The following CDC14A variants were observed in gnomAD, a reference collection of about 807,000 sequenced individuals.
CDC14A encodes the protein dual specificity protein phosphatase CDC14A.
CDC14A carries 53 observed loss-of-function variants against 74.4 expected under a neutral mutation model. The observed-to-expected ratio is 0.71, with a 90% CI of 0.57 to 0.89. The LOEUF (loss-of-function observed/expected upper bound fraction) is 0.89. Among genes scored for constraint, CDC14A ranks in the 40% least tolerant of loss-of-function variants. CDC14A has a pLI of 0.00. For synonymous variants in CDC14A, 247 were observed against 258.4 expected (o/e 0.96, Z 0.43); for missense variants, 646 against 713.7 (o/e 0.91, Z 1.08).
At chr1:100,467,151 A>G (rs1667917540) in intron 9 of CDC14A, among the ~76,000 whole-genome samples, 1 of 152,176 alleles carries the variant, frequency 6.6e-6, no homozygotes, top group Non-Finnish European at 1.5e-5. Flanking sequence ...TTCTGAAGTT[A>G]GAATGGATCT....
At chr1:100,445,313 C>A (rs1346682029) in intron 7 of CDC14A, among the ~76,000 whole-genome samples, 2 of 152,102 alleles carry the variant, frequency 1.3e-5, no homozygotes, top group African/African-American at 4.8e-5. Context: ...GAGCCTCACC[C>A]CCTCAACTTG....
chr1:100,472,797 G>T (rs1668518070), intron 10 of CDC14A, among the ~76,000 whole-genome samples: 2 of 151,728 alleles, frequency 1.3e-5, no homozygotes, highest in South Asian at 4.2e-4. Context: ...ATGCCCAGTT[G>T]CTTCAGTACC....
intron 11 of CDC14A, among the ~76,000 whole-genome samples, chr1:100,491,456 C>G (rs1670607020): frequency 7.0e-6 from 1 of 142,886 alleles, no homozygotes; most frequent in Admixed American, 7.2e-5. Context: ...AAACATATCT[C>G]CATATATATG....
chr1:100,363,430 T>G (rs969724812), intron 2 of CDC14A, among the ~76,000 whole-genome samples: 1 of 152,260 alleles, frequency 6.6e-6, no homozygotes, highest in Non-Finnish European at 1.5e-5. Context: ...TTAACTCGTA[T>G]ATCAAAAACA....
chr1:100,351,509 A>T (rs1392344792), upstream of CDC14A, among the ~76,000 whole-genome samples: 3 of 152,218 alleles, frequency 2.0e-5, no homozygotes, highest in Non-Finnish European at 4.4e-5. Context: ...GAGACAAGTC[A>T]ATGGCCTCTT....
chr1:100,466,763 G>A (rs1359743072), intron 9 of CDC14A, among the ~76,000 whole-genome samples: 2 of 151,724 alleles, frequency 1.3e-5, no homozygotes, highest in East Asian at 1.9e-4. Context: ...CCAGCTACTC[G>A]GGAGGCTAAG....
intron 11 of CDC14A, among the ~76,000 whole-genome samples, chr1:100,486,817 A>C (rs185051160): frequency 6.6e-6 from 1 of 152,214 alleles, no homozygotes; most frequent in Non-Finnish European, 1.5e-5. Context: ...TTTACACAGC[A>C]TCATGTATGG....
At chr1:100,349,258 C>G (rs1650706854), upstream of CDC14A, among the ~76,000 whole-genome samples, 1 of 151,514 alleles carries the variant, frequency 6.6e-6, no homozygotes, top group Non-Finnish European at 1.5e-5. Flanking sequence ...TGCTGAATTT[C>G]TGTGTGTAAT....
intron 3 of CDC14A, among the ~76,000 whole-genome samples, chr1:100,389,621 G>A (rs1657406670): frequency 6.6e-6 from 1 of 151,962 alleles, no homozygotes; most frequent in Non-Finnish European, 1.5e-5. Context: ...CTTCAGAGAT[G>A]GAAGAGTTTT....
chr1:100,404,075 A>AC (rs1240784832), intron 4 of CDC14A, among the ~76,000 whole-genome samples: 3 of 151,686 alleles, frequency 2.0e-5, no homozygotes, highest in African/African-American at 7.3e-5. Flanking sequence ...AATTCATTAA[A>AC]CCCCTCTTCA....
At chr1:100,470,960 CAA>C (rs2101276682) in intron 10 of CDC14A, among the ~76,000 whole-genome samples, 1 of 152,168 alleles carries the variant, frequency 6.6e-6, no homozygotes, top group African/African-American at 2.4e-5. Flanking sequence ...CATTTGTCTA[CAA>C]AGACTTGTAC....
At chr1:100,497,718 G>A (rs1449639826) in intron 13 of CDC14A, among the ~76,000 whole-genome samples, 4 of 152,208 alleles carry the variant, frequency 2.6e-5, no homozygotes, top group African/African-American at 9.6e-5. Flanking sequence ...CAGGAAGACA[G>A]GATCATGGCT....
chr1:100,478,397 T>C (rs1241749875), intron 10 of CDC14A, among the ~76,000 whole-genome samples: 2 of 152,148 alleles, frequency 1.3e-5, no homozygotes, highest in Non-Finnish European at 2.9e-5. Context: ...ATATCACAGA[T>C]AGATAGATCT....
At chr1:100,363,369 A>G (rs1653069967) in intron 2 of CDC14A, 1 of 152,140 alleles carries the variant, frequency 6.6e-6, no homozygotes, top group Non-Finnish European at 1.5e-5. Context: ...TTAAAAGGAA[A>G]CCCTTACCGA....
Position 100,377,688 on chromosome 1 carries a change from G to A in CDC14A, c.216+67G>A, listed in dbSNP as rs1342720587. 2.6e-6 allele frequency: 3 copies of A among 1,173,008 alleles called. No homozygotes were observed. The African/African-American group carries it at 4.6e-5, about 18-fold the overall frequency. The allele number at this position is 1,173,008 out of a possible 1,614,324, so 72.7% of individuals were successfully genotyped here. On this transcript the variant is annotated intron_variant, in intron 3 of 15. Transcript: ENST00000336454. ...TTGAACCATAGGATCTGCTCAGTGG[G>A]GTTGGTGTGCACAAAACATTTAGTC...
intron 4 of CDC14A, among the ~76,000 whole-genome samples, chr1:100,412,693 G>GT (rs1359316631): frequency 1.9e-5 from 1 of 52,422 alleles, no homozygotes; most frequent in African/African-American, 1.8e-4. Context: ...CTTCCTGTAT[G>GT]TTTTATATAT....
rs58424420 is a variant in CDC14A at position 100,500,811 on chromosome 1, AGTGTGTGTGTGTGTGTGTGTGTGTGTGT to A, written c.1755+1564_1755+1591del. Among the ~76,000 whole-genome samples the A allele has an allele frequency of 3.1e-3, 404 of 131,322 alleles. 3 individuals carry two copies. The highest frequency in any genetic ancestry group is 0.011 in the African/African-American group (382 of 35,106). The allele number at this position is 131,322 out of a possible 152,430, so 86.2% of individuals were successfully genotyped here. A position where few individuals can be genotyped will look rare whatever the true frequency, so the allele number is the denominator to read the frequency against. On this transcript the variant is annotated intron_variant, in intron 15 of 15. Transcript: ENST00000336454. The stretch of plus-strand genomic sequence containing the variant: ...AGGATGTTTTCTAACATGAGAATGC[AGTGTGTGTGTGTGTGTGTGTGTGTGTGT>A]GTGTGTGTGTGTGTTCATGTGTGGT...
chr1:100,495,878 G>C, intron 12 of CDC14A, 124 bp from the exon 13 acceptor site: 1 of 744,974 alleles, frequency 1.3e-6, no homozygotes, highest in Non-Finnish European at 2.3e-6. Context: ...ATATCCATTT[G>C]CAAGGTTTCT....
At chr1:100,410,441 C>T (rs573440124) in intron 4 of CDC14A, among the ~76,000 whole-genome samples, 10 of 152,212 alleles carry the variant, frequency 6.6e-5, no homozygotes, top group African/African-American at 2.4e-4. Flanking sequence ...CCTGCCTCAG[C>T]CTCCCGGGTA....
Sources: allele counts gnomAD v4.1 joint callset (sites outside exome capture counted in the v4.1 genomes callset), GRCh38; gene constraint gnomAD v4.1.1; transcripts MANE v1.5; gene names NCBI Gene and HGNC (gene_info 2026-07-23, HGNC 2026-07-21).